Variants in NWD2 observed in about 807,000 individuals in gnomAD.
The protein encoded by NWD2 is NACHT and WD repeat domain-containing protein 2.
A neutral mutation model predicts 132.7 loss-of-function variants in NWD2; 37 were observed. The observed-to-expected ratio is 0.28, with a 90% CI of 0.21 to 0.37. NWD2 has a LOEUF of 0.37. Among genes scored for constraint, NWD2 ranks in the 10% least tolerant of loss-of-function variants. The pLI is 1.00. For missense variants in NWD2, 1,592 were observed against 2,122.4 expected (o/e 0.75, Z 4.91); for synonymous variants, 705 against 803.0 (o/e 0.88, Z 2.06).
intron 2 of NWD2, among the ~76,000 whole-genome samples, chr4:37,347,601 G>T (rs1719661380): frequency 6.6e-6 from 1 of 152,118 alleles, no homozygotes; most frequent in East Asian, 1.9e-4. Flanking sequence ...ACTGTAGAAA[G>T]ATTATTCCTA....
intron 1 of NWD2, among the ~76,000 whole-genome samples, chr4:37,251,758 T>A (rs1214380009): frequency 6.6e-6 from 1 of 152,138 alleles, no homozygotes; most frequent in Non-Finnish European, 1.5e-5. Flanking sequence ...CCTACAGTAC[T>A]AAGGAGATAG....
chr4:37,255,352 T>C (rs545810963), intron 1 of NWD2, among the ~76,000 whole-genome samples: 4 of 152,286 alleles, frequency 2.6e-5, no homozygotes, highest in Admixed American at 2.0e-4. Context: ...ATCACCCTTC[T>C]ACTGTAGAGG....
chr4:37,353,896 A>G (rs111865802), intron 2 of NWD2, among the ~76,000 whole-genome samples: 2 of 152,016 alleles, frequency 1.3e-5, no homozygotes, highest in South Asian at 2.1e-4. Flanking sequence ...TGCTGGCAAG[A>G]AGTTGTGATC....
intron 3 of NWD2, among the ~76,000 whole-genome samples, chr4:37,397,813 T>C (rs527709910): frequency 1.5e-3 from 226 of 150,686 alleles, no homozygotes; most frequent in Non-Finnish European, 3.0e-3. Context: ...CTCTCTCTCT[T>C]TCTCCCTCCC....
At position 37,389,783 on chromosome 4, in the gene NWD2, G is replaced by A. The variant is rs76144307; in HGVS notation, c.357+33301G>A. On this transcript the variant is annotated intron_variant, in intron 3 of 6. Coordinates refer to ENST00000309447, the MANE Select transcript of NWD2 (RefSeq NM_001144990.2). The stretch of plus-strand genomic sequence containing the variant: ...ATGTAAAATTAATATCAAATCATAC[G>A]CATTTTTTTTTTTACACAATGGAGT... Among the ~76,000 whole-genome samples the A allele has an allele frequency of 9.2e-4, 104 of 113,658 alleles. 1 individual carries two copies. The highest frequency in any genetic ancestry group is 3.2e-3 in the African/African-American group (94 of 29,792). 74.6% of individuals were successfully genotyped at this position (113,658 alleles called of 152,430 possible). A position where few individuals can be genotyped will look rare whatever the true frequency, so the allele number is the denominator to read the frequency against.
At chr4:37,401,143 A>G (rs1156864954) in intron 3 of NWD2, among the ~76,000 whole-genome samples, 1 of 152,186 alleles carries the variant, frequency 6.6e-6, no homozygotes, top group Non-Finnish European at 1.5e-5. Flanking sequence ...TCAATTTTGT[A>G]TAGCCATTTT....
intron 1 of NWD2, among the ~76,000 whole-genome samples, chr4:37,264,967 G>T (rs574134440): frequency 1.3e-5 from 2 of 152,150 alleles, no homozygotes; most frequent in East Asian, 3.9e-4. Flanking sequence ...CTGTAGGGTA[G>T]AATGAGCCAG....
intron 2 of NWD2, among the ~76,000 whole-genome samples, chr4:37,330,150 T>G (rs1009430388): frequency 2.6e-5 from 4 of 152,222 alleles, no homozygotes; most frequent in African/African-American, 4.8e-5. Context: ...AGTGTTTTCC[T>G]TATTTGTTTT....
intron 1 of NWD2, among the ~76,000 whole-genome samples, chr4:37,278,774 A>G (rs1718073448): frequency 6.6e-6 from 1 of 152,216 alleles, no homozygotes. Flanking sequence ...AAACGCATAC[A>G]CCTAAAAGGT....
chr4:37,391,104 A>G (rs1195393658), intron 3 of NWD2, among the ~76,000 whole-genome samples: 2 of 152,042 alleles, frequency 1.3e-5, no homozygotes, highest in East Asian at 3.9e-4. Flanking sequence ...CAGTTCGATT[A>G]TTTTACCTGT....
At chr4:37,324,366 A>G (rs750717844) in intron 1 of NWD2, among the ~76,000 whole-genome samples, 6 of 151,952 alleles carry the variant, frequency 3.9e-5, no homozygotes, top group Non-Finnish European at 8.8e-5. Flanking sequence ...TTTATCTTCT[A>G]TATCTGCCAG....
chr4:37,320,653 G>A (rs2109285479), intron 1 of NWD2, among the ~76,000 whole-genome samples: 1 of 152,270 alleles, frequency 6.6e-6, no homozygotes, highest in South Asian at 2.1e-4. Flanking sequence ...AGCCTCTTGG[G>A]GAGCTGCCAA....
intron 2 of NWD2, among the ~76,000 whole-genome samples, chr4:37,342,496 G>T (rs1004104906): frequency 1.3e-5 from 2 of 152,152 alleles, no homozygotes; most frequent in Admixed American, 1.3e-4. Context: ...TATGGTTTGT[G>T]GTCAGGTGTC....
chr4:37,289,601 A>G (rs928734167), intron 1 of NWD2, among the ~76,000 whole-genome samples: 1 of 152,200 alleles, frequency 6.6e-6, no homozygotes, highest in African/African-American at 2.4e-5. Flanking sequence ...TAGCATGCAT[A>G]TCATTAAATA....
chr4:37,304,649 G>T (rs145077861), intron 1 of NWD2, among the ~76,000 whole-genome samples: 3,872 of 152,290 alleles, frequency 0.025, 173 homozygotes, highest in African/African-American at 0.089. Context: ...CTGAAACCCA[G>T]CAGGGCAGTC....
At chr4:37,303,462 T>G (rs1718646500) in intron 1 of NWD2, among the ~76,000 whole-genome samples, 1 of 152,148 alleles carries the variant, frequency 6.6e-6, no homozygotes, top group Admixed American at 6.5e-5. Context: ...CCATATAAAT[T>G]TTAGGGTTAT....
At chr4:37,420,904 G>A (rs1208442485) in intron 3 of NWD2, among the ~76,000 whole-genome samples, 2 of 152,082 alleles carry the variant, frequency 1.3e-5, no homozygotes, top group African/African-American at 4.8e-5. Flanking sequence ...CTTGATAACT[G>A]CCAGGACTAC....
chr4:37,303,419 T>A (rs2109277378), intron 1 of NWD2, among the ~76,000 whole-genome samples: 1 of 152,336 alleles, frequency 6.6e-6, no homozygotes, highest in East Asian at 1.9e-4. Context: ...TTGTTCAGGG[T>A]TGCTTTGGCT....
chr4:37,284,790 G>C (rs2109269619), intron 1 of NWD2, among the ~76,000 whole-genome samples: 1 of 152,202 alleles, frequency 6.6e-6, no homozygotes, highest in Admixed American at 6.5e-5. Context: ...CCAGAACCAG[G>C]CTTCACATTT....
Sources: gnomAD v4.1 joint callset for allele counts (sites outside exome capture counted in the v4.1 genomes callset) on GRCh38, gnomAD v4.1.1 for gene constraint, MANE v1.5 for transcripts, NCBI Gene and HGNC (gene_info 2026-07-23, HGNC 2026-07-21) for gene names.